The following HS3ST3A1 variants were observed in gnomAD, a reference collection of about 807,000 sequenced individuals.
The protein encoded by HS3ST3A1 is heparan sulfate-glucosamine 3-sulfotransferase 3A1.
Under a neutral mutation model 25.7 loss-of-function variants are expected in HS3ST3A1, and 19 were observed. The observed-to-expected ratio is 0.74, with a 90% CI of 0.52 to 1.08. The LOEUF is 1.08. HS3ST3A1 is among the 50% of genes least tolerant of loss of function. The pLI is 0.00. For missense variants in HS3ST3A1, 459 were observed against 594.3 expected (o/e 0.77, Z 2.37); for synonymous variants, 226 against 278.6 (o/e 0.81, Z 1.88).
At chr17:13,596,418 T>TACACACACACACACAC in intron 1 of HS3ST3A1, among the ~76,000 whole-genome samples, 1 of 146,444 alleles carries the variant, frequency 6.8e-6, no homozygotes, top group East Asian at 2.1e-4. Flanking sequence ...TGCGCGTGCG[T>TACACACACACACACAC]ACACACACAC....
In HS3ST3A1 at chr17:13,494,131, C is replaced by A. The variant is rs919122377; in HGVS notation, c.*2066G>T. ...TTGTGCAAGCCACTTTTGCATAATG[C>A]CAAGCAAACACTTACAAAAGAATCA... On this transcript the variant is annotated 3_prime_UTR_variant, in exon 2 of 2. Transcript: ENST00000284110. Among the ~76,000 whole-genome samples, 1 of 152,252 alleles carries A rather than the reference C, an allele frequency of 6.6e-6. No homozygotes were observed. Among genetic ancestry groups the A allele is most frequent in the Admixed American group, 6.5e-5 (1 of 15,298 alleles).
chr17:13,499,652 A>T (rs1905398350), intron 1 of HS3ST3A1, among the ~76,000 whole-genome samples: 3 of 152,078 alleles, frequency 2.0e-5, no homozygotes, highest in African/African-American at 4.8e-5. Context: ...TTTTGCAGAG[A>T]TTGAGGCTAT....
chr17:13,589,772 A>G (rs1028143493), intron 1 of HS3ST3A1, among the ~76,000 whole-genome samples: 1 of 152,190 alleles, frequency 6.6e-6, no homozygotes, highest in Non-Finnish European at 1.5e-5. Flanking sequence ...TTTTCAAAAC[A>G]TGGAGTTAGG....
At chr17:13,580,455 C>A (rs1472625011) in intron 1 of HS3ST3A1, among the ~76,000 whole-genome samples, 1 of 152,128 alleles carries the variant, frequency 6.6e-6, no homozygotes, top group East Asian at 1.9e-4. Flanking sequence ...AGCAAAACAT[C>A]ACACTGTACC....
intron 1 of HS3ST3A1, among the ~76,000 whole-genome samples, chr17:13,526,216 G>C (rs1459700060): frequency 6.6e-6 from 1 of 151,938 alleles, no homozygotes; most frequent in Non-Finnish European, 1.5e-5. Context: ...GCTTCCTTCT[G>C]AGAACAAGCT....
chr17:13,500,922 C>T (rs1257418220), intron 1 of HS3ST3A1, among the ~76,000 whole-genome samples: 1 of 152,170 alleles, frequency 6.6e-6, no homozygotes, highest in Non-Finnish European at 1.5e-5. Context: ...TTTATGCATA[C>T]AATGGAATAC....
At chr17:13,554,503 C>T (rs1383156124) in intron 1 of HS3ST3A1, among the ~76,000 whole-genome samples, 1 of 152,228 alleles carries the variant, frequency 6.6e-6, no homozygotes. Context: ...CCGCTAGGCC[C>T]TGTGCGGTGC....
intron 1 of HS3ST3A1, among the ~76,000 whole-genome samples, chr17:13,561,468 C>A (rs1044691905): frequency 5.3e-5 from 8 of 151,642 alleles, no homozygotes; most frequent in African/African-American, 1.9e-4. Context: ...CTCACTGCAA[C>A]CTCCTCCTCC....
At chr17:13,585,746 T>C (rs565911975) in intron 1 of HS3ST3A1, among the ~76,000 whole-genome samples, 202 of 150,924 alleles carry the variant, frequency 1.3e-3, no homozygotes, top group African/African-American at 4.7e-3. Flanking sequence ...TGACCCTTAC[T>C]CCTGGGCTCC....
At chr17:13,591,747 C>T (rs1355131236) in intron 1 of HS3ST3A1, among the ~76,000 whole-genome samples, 1 of 151,528 alleles carries the variant, frequency 6.6e-6, no homozygotes, top group African/African-American at 2.4e-5. Flanking sequence ...CAGCCTCTGC[C>T]TCCTGGGCTT....
chr17:13,506,783 G>A (rs1349385225), intron 1 of HS3ST3A1, among the ~76,000 whole-genome samples: 3 of 152,020 alleles, frequency 2.0e-5, no homozygotes, highest in Admixed American at 6.6e-5. Flanking sequence ...GAGGCCGGGA[G>A]CGGTGGCTCA....
At chr17:13,554,508 C>A (rs1333864421) in intron 1 of HS3ST3A1, among the ~76,000 whole-genome samples, 2 of 152,184 alleles carry the variant, frequency 1.3e-5, no homozygotes, top group African/African-American at 4.8e-5. Flanking sequence ...AGGCCCTGTG[C>A]GGTGCTGATA....
chr17:13,599,723 A>G (rs9903125), intron 1 of HS3ST3A1, among the ~76,000 whole-genome samples: 58,473 of 152,054 alleles, frequency 0.38, 12,484 homozygotes, highest in Admixed American at 0.51. Flanking sequence ...TCTAAGCCAG[A>G]CTTATTTCCT....
chr17:13,573,421 C>A (rs926981865), intron 1 of HS3ST3A1, among the ~76,000 whole-genome samples: 4 of 152,196 alleles, frequency 2.6e-5, no homozygotes, highest in African/African-American at 9.7e-5. Flanking sequence ...ACCTCTCTGT[C>A]TATCCACAAC....
At chr17:13,522,359 G>A (rs1471240982) in intron 1 of HS3ST3A1, among the ~76,000 whole-genome samples, 1 of 151,784 alleles carries the variant, frequency 6.6e-6, no homozygotes, top group Non-Finnish European at 1.5e-5. Flanking sequence ...CTTCAATATT[G>A]TATTGTATGC....
At chr17:13,537,542 T>C (rs143635141) in intron 1 of HS3ST3A1, among the ~76,000 whole-genome samples, 325 of 152,314 alleles carry the variant, frequency 2.1e-3, no homozygotes, top group African/African-American at 7.4e-3. Context: ...CCTTCTATTC[T>C]GTCCTCCCAA....
chr17:13,547,223 A>C (rs1598422505), intron 1 of HS3ST3A1, among the ~76,000 whole-genome samples: 2 of 152,186 alleles, frequency 1.3e-5, no homozygotes, highest in East Asian at 3.9e-4. Flanking sequence ...CATTAAAAAA[A>C]ATTTGGTCTT....
At chr17:13,543,455 A>T (rs1291539309) in intron 1 of HS3ST3A1, 2 of 167,850 alleles carry the variant, frequency 1.2e-5, no homozygotes, top group African/African-American at 4.8e-5. Context: ...AGACTAATAC[A>T]GTGCCACAAC....
At position 13,530,890 on chromosome 17, in the gene HS3ST3A1, T is replaced by G. The variant is rs149675655; in HGVS notation, c.600-34072A>C. ...AGTATTGACTCAAGCCCTTCCTCTC[T>G]TCCCCTGAGACCTCTTTGAGGTGGG... On this transcript the variant is annotated intron_variant, in intron 1 of 1. Coordinates refer to ENST00000284110, the MANE Select transcript of HS3ST3A1 (RefSeq NM_006042.3). Among the ~76,000 whole-genome samples the G allele has an allele frequency of 3.7e-3, 556 of 152,298 alleles. 4 individuals carry two copies. Among genetic ancestry groups the G allele is most frequent in the African/African-American group, 0.013 (532 of 41,578 alleles).
Sources: allele counts gnomAD v4.1 joint callset (sites outside exome capture counted in the v4.1 genomes callset), GRCh38; gene constraint gnomAD v4.1.1; transcripts MANE v1.5; gene names NCBI Gene and HGNC (gene_info 2026-07-23, HGNC 2026-07-21).